PDE11A: variants seen among roughly 807,000 people sequenced by gnomAD.
PDE11A encodes phosphodiesterase 11A.
Under a neutral mutation model 100.5 loss-of-function variants are expected in PDE11A, and 100 were observed. That is an observed-to-expected ratio of 1.00 (90% confidence interval 0.85 to 1.18). The LOEUF is 1.18. Among genes scored for constraint, PDE11A ranks in the 50% most tolerant of loss-of-function variants. PDE11A has a pLI of 0.00. For missense variants in PDE11A, 1,141 were observed against 1,152.6 expected, an observed-to-expected ratio of 0.99 and a Z score of 0.15; for synonymous variants, 381 against 420.8, an observed-to-expected ratio of 0.91 and a Z score of 1.16.
At chr2:177,962,668 A>C (rs569281739) in intron 2 of PDE11A, among the ~76,000 whole-genome samples, 42 of 152,308 alleles carry the variant, frequency 2.8e-4, no homozygotes, top group African/African-American at 9.9e-4. Flanking sequence ...TTAGGGTCAG[A>C]TAAGTTACAC....
At chr2:177,750,553 G>GAGGCCA (rs2082011722) in intron 10 of PDE11A, among the ~76,000 whole-genome samples, 1 of 152,146 alleles carries the variant, frequency 6.6e-6, no homozygotes. Context: ...TTGACAATGT[G>GAGGCCA]AGGCCAAGGC....
intron 17 of PDE11A, among the ~76,000 whole-genome samples, 176 bp downstream of exon 17, chr2:177,675,279 G>GATA (rs1559137806): frequency 6.7e-6 from 1 of 148,268 alleles, no homozygotes. Context: ...AAAAAAAAAG[G>GATA]GCTGTGCAAT....
chr2:177,919,552 C>G (rs2695730), intron 2 of PDE11A, among the ~76,000 whole-genome samples: 111,848 of 151,964 alleles, frequency 0.74, 41,473 homozygotes, highest in East Asian at 0.8. Context: ...ACTTTTAAAG[C>G]AAAAAAATGA....
At chr2:178,034,150 CCATCTCACGTGCAAAGACA>C (rs1278008689) in intron 1 of PDE11A, among the ~76,000 whole-genome samples, 1 of 151,952 alleles carries the variant, frequency 6.6e-6, no homozygotes, top group Non-Finnish European at 1.5e-5. Context: ...TTCAGGAGAC[CCATCTCACGTGCAAAGACA>C]CATAGGGTCA....
At chr2:177,811,490 T>C (rs1574166131) in intron 9 of PDE11A, among the ~76,000 whole-genome samples, 1 of 151,828 alleles carries the variant, frequency 6.6e-6, no homozygotes, top group East Asian at 1.9e-4. Flanking sequence ...GATAATTCAA[T>C]TGTTAAACAA....
chr2:177,767,584 C>A (rs906556309), intron 10 of PDE11A, among the ~76,000 whole-genome samples: 1 of 151,768 alleles, frequency 6.6e-6, no homozygotes, highest in Admixed American at 6.6e-5. Flanking sequence ...ACTTTATTGG[C>A]TAACATTAAA....
chr2:178,069,467 A>G (rs2087095913), intron 1 of PDE11A, among the ~76,000 whole-genome samples: 3 of 152,216 alleles, frequency 2.0e-5, no homozygotes, highest in Non-Finnish European at 4.4e-5. Flanking sequence ...AATGAAAACA[A>G]GGTAAACCAA....
chr2:177,640,801 C>T (rs965122439), intron 19 of PDE11A, among the ~76,000 whole-genome samples: 2 of 152,184 alleles, frequency 1.3e-5, no homozygotes, highest in African/African-American at 4.8e-5. Flanking sequence ...TCCCTCAAGC[C>T]TTCCTCTTAC....
intron 16 of PDE11A, among the ~76,000 whole-genome samples, chr2:177,679,285 T>C (rs73979516): frequency 0.12 from 17,573 of 151,712 alleles, 1,273 homozygotes; most frequent in Middle Eastern, 0.2. Flanking sequence ...TGTGCAACGA[T>C]AAAAGATGAT....
chr2:177,741,831 G>A (rs572394749), intron 10 of PDE11A, among the ~76,000 whole-genome samples: 1 of 152,252 alleles, frequency 6.6e-6, no homozygotes, highest in East Asian at 1.9e-4. Flanking sequence ...TTCACTTGAA[G>A]CCAGGAGTTG....
At chr2:178,075,185 A>C (rs1161349374), upstream of PDE11A, among the ~76,000 whole-genome samples, 1 of 152,118 alleles carries the variant, frequency 6.6e-6, no homozygotes, top group Admixed American at 6.5e-5. Flanking sequence ...AGGAGGAAAA[A>C]GTTACTAGGA....
chr2:177,659,149 T>G (rs757959474), intron 19 of PDE11A, among the ~76,000 whole-genome samples: 3 of 151,554 alleles, frequency 2.0e-5, no homozygotes, highest in Non-Finnish European at 4.4e-5. Flanking sequence ...TAATCTCTGC[T>G]ACTCAGGAGG....
intron 10 of PDE11A, among the ~76,000 whole-genome samples, chr2:177,737,449 A>ACACACACACACACACACACACAC (rs55844103): frequency 2.7e-5 from 4 of 148,152 alleles, no homozygotes; most frequent in Non-Finnish European, 4.5e-5. Context: ...ACACACACAC[A>ACACACACACACACACACACACAC]AATTAGCCAG....
intron 12 of PDE11A, among the ~76,000 whole-genome samples, chr2:177,713,491 G>A (rs1457714172): frequency 6.6e-6 from 1 of 152,084 alleles, no homozygotes; most frequent in Non-Finnish European, 1.5e-5. Context: ...TTGGGAGGCC[G>A]AGGTGGGTAG....
At chr2:177,810,496 AC>A (rs2082934586) in intron 9 of PDE11A, among the ~76,000 whole-genome samples, 1 of 152,168 alleles carries the variant, frequency 6.6e-6, no homozygotes, top group African/African-American at 2.4e-5. Context: ...AATGATGGGA[AC>A]ATTTTGAGTG....
chr2:177,969,093 A>C (rs893011703), intron 2 of PDE11A, among the ~76,000 whole-genome samples: 4 of 152,378 alleles, frequency 2.6e-5, no homozygotes, highest in Admixed American at 2.6e-4. Context: ...CAGCTATAAA[A>C]AAGAATGAGT....
In PDE11A at chr2:177,947,996, A is replaced by G. The variant is rs2085464467; in HGVS notation, c.1072-42809T>C. On this transcript the variant is annotated intron_variant, in intron 2 of 19. Transcript: ENST00000286063. ...TTCATATATGTATATAGATCATGAT[A>G]GATGGTAGGCAGGTAGGTAGGTAAT... 2.0e-5 allele frequency among the ~76,000 whole-genome samples: 3 copies of G among 151,802 alleles called. No individual in the cohort carries two copies. The South Asian group carries it at 6.2e-4, about 31-fold the overall frequency.
At chr2:178,012,912 T>C (rs1226625601) in intron 2 of PDE11A, among the ~76,000 whole-genome samples, 1 of 152,176 alleles carries the variant, frequency 6.6e-6, no homozygotes, top group Non-Finnish European at 1.5e-5. Flanking sequence ...GCACATCATC[T>C]CAGGACTCTG....
chr2:177,901,859 G>A (rs2084702729), intron 3 of PDE11A, among the ~76,000 whole-genome samples: 1 of 152,204 alleles, frequency 6.6e-6, no homozygotes, highest in Non-Finnish European at 1.5e-5. Context: ...CATGGAGAGA[G>A]CCTCTGGGAT....
Sources: gnomAD v4.1 joint callset for allele counts (sites outside exome capture counted in the v4.1 genomes callset) on GRCh38, gnomAD v4.1.1 for gene constraint, MANE v1.5 for transcripts, NCBI Gene and HGNC (gene_info 2026-07-23, HGNC 2026-07-21) for gene names.